The following MAP2K3 variants were observed in gnomAD, a reference collection of about 807,000 sequenced individuals.
MAP2K3 encodes the protein dual specificity mitogen-activated protein kinase kinase 3.
Under a neutral mutation model 46.4 loss-of-function variants are expected in MAP2K3, and 30 were observed. That is an observed-to-expected ratio of 0.65 (90% CI 0.48 to 0.88). MAP2K3 has a LOEUF of 0.88. MAP2K3 is among the 40% of genes least tolerant of loss of function. MAP2K3 has a pLI of 0.00. For missense variants in MAP2K3, 380 were observed against 464.5 expected (o/e 0.82, Z 1.67); for synonymous variants, 189 against 176.3 (o/e 1.07, Z -0.57).
intron 4 of MAP2K3, 106 bp downstream of exon 4, chr17:21,300,764 CT>C: frequency 6.2e-7 from 1 of 1,608,176 alleles, no homozygotes; most frequent in African/African-American, 1.3e-5. Context: ...CGAGGCTAGG[CT>C]TTTTGGGGCA....
At chr17:21,295,455 C>T (rs371989537) in intron 1 of MAP2K3, among the ~76,000 whole-genome samples, 35 of 152,410 alleles carry the variant, frequency 2.3e-4, no homozygotes, top group African/African-American at 7.7e-4. Flanking sequence ...TGCCAGTGGC[C>T]GCCGAGAGCC....
At chr17:21,309,040 C>G (rs1440491257) in intron 9 of MAP2K3, among the ~76,000 whole-genome samples, 7 of 152,308 alleles carry the variant, frequency 4.6e-5, no homozygotes, top group African/African-American at 1.2e-4. Flanking sequence ...TCTGCTGTAC[C>G]TGGGATTGGC....
rs1174737003 is a variant in MAP2K3, at chr17:21,284,879, C to A, written c.-42C>A. The A allele has an allele frequency of 6.2e-7, 1 of 1,607,902 alleles. No homozygotes were observed. Among genetic ancestry groups the A allele is most frequent in the Non-Finnish European group, 8.5e-7 (1 of 1,177,314 alleles). On this transcript the variant is annotated 5_prime_UTR_variant, in exon 1 of 12. Coordinates refer to ENST00000342679, the MANE Select transcript of MAP2K3 (RefSeq NM_145109.3). ...CTCGGCCCCGGTGGAGCCCGCAGTC[C>A]TCTAGATTAGTCTCCACCGCCGTCC... is the stretch of plus-strand genomic sequence containing the variant.
chr17:21,306,098 C>T (rs1976879829), intron 9 of MAP2K3, among the ~76,000 whole-genome samples: 1 of 152,236 alleles, frequency 6.6e-6, no homozygotes, highest in African/African-American at 2.4e-5. Context: ...ACCCAGTGCC[C>T]TGCAGTTCCG....
chr17:21,309,425 G>A (rs944425887), intron 9 of MAP2K3, among the ~76,000 whole-genome samples: 7 of 152,024 alleles, frequency 4.6e-5, no homozygotes, highest in South Asian at 4.2e-4. Context: ...AGTTACAAAC[G>A]TAGTGGAAAC....
intron 7 of MAP2K3, among the ~76,000 whole-genome samples, chr17:21,303,957 G>T (rs1209637375): frequency 1.3e-5 from 2 of 152,346 alleles, no homozygotes; most frequent in Admixed American, 6.5e-5. Context: ...TGTCCTATGC[G>T]CATTTGTATG....
intron 1 of MAP2K3, 137 bp downstream of exon 1, chr17:21,285,106 G>A (rs1002720022): frequency 2.3e-5 from 31 of 1,344,742 alleles, no homozygotes; most frequent in Non-Finnish European, 3.0e-5. Context: ...ACCCCTTCCT[G>A]TTCGGGGTCC....
At chr17:21,298,335 G>A (rs555754790) in intron 1 of MAP2K3, 78 bp from the exon 2 acceptor site, 1 of 1,596,184 alleles carries the variant, frequency 6.3e-7, no homozygotes, top group Non-Finnish European at 8.6e-7. Context: ...TGTGGGCCAG[G>A]GCCTGATGGC....
At chr17:21,314,076 G>A (rs1977291149) in intron 11 of MAP2K3, 71 bp from the exon 12 acceptor site, 7 of 1,206,992 alleles carry the variant, frequency 5.8e-6, no homozygotes, top group African/African-American at 1.5e-5. Context: ...GGCTGGAGCT[G>A]GTTGGGGAAG....
At chr17:21,298,205 G>T (rs1367913796) in intron 1 of MAP2K3, 10 of 774,288 alleles carry the variant, frequency 1.3e-5, no homozygotes, top group Non-Finnish European at 2.1e-5. Flanking sequence ...TCCAGGCCTG[G>T]GTCTGTCCTG....
At chr17:21,290,442 C>T (rs1016604370) in intron 1 of MAP2K3, among the ~76,000 whole-genome samples, 18 of 152,414 alleles carry the variant, frequency 1.2e-4, no homozygotes, top group African/African-American at 2.4e-4. Flanking sequence ...CAGGGTGGCG[C>T]GGGCAGACAC....
chr17:21,301,668 C>T (rs780614717), intron 5 of MAP2K3, among the ~76,000 whole-genome samples: 8 of 152,418 alleles, frequency 5.2e-5, no homozygotes, highest in Non-Finnish European at 1.0e-4. Flanking sequence ...CTGCAGCCTG[C>T]GGGTGCCCCC....
chr17:21,303,274 G>A (rs1233079146), intron 7 of MAP2K3, 40 bp downstream of exon 7: 4 of 1,613,114 alleles, frequency 2.5e-6, no homozygotes, highest in Non-Finnish European at 1.7e-6. Flanking sequence ...TGTAGCCAGT[G>A]GGAGGGATCC....
At chr17:21,301,522 C>A (rs1052688641) in intron 5 of MAP2K3, among the ~76,000 whole-genome samples, 1 of 152,310 alleles carries the variant, frequency 6.6e-6, no homozygotes, top group Non-Finnish European at 1.5e-5. Context: ...TGGTCACTTG[C>A]CCCTCAAAGA....
At chr17:21,313,625 C>G (rs924255022) in intron 11 of MAP2K3, 88 bp downstream of exon 11, 26 of 1,068,164 alleles carry the variant, frequency 2.4e-5, no homozygotes, top group Non-Finnish European at 3.5e-5. Context: ...ATCCTGCACA[C>G]AGATGGGTAG....
Position 21,314,575 on chromosome 17 carries a change from G to C in MAP2K3, c.*345G>C. On this transcript the variant is annotated 3_prime_UTR_variant, in exon 12 of 12. Coordinates refer to ENST00000342679, the MANE Select transcript of MAP2K3 (RefSeq NM_145109.3). ...AGGCTGCCAGTGCCTGGGTGGATGG[G>C]CCACCGCCTTGCCCAGCCTGGATGC... 4 of 306,200 alleles carry C rather than the reference G, an allele frequency of 1.3e-5. No homozygotes were observed. In the South Asian group the frequency reaches 1.9e-4, roughly 15 times the overall value. The allele number at this position is 306,200 out of a possible 1,614,324, so 19.0% of individuals were successfully genotyped here.
intron 6 of MAP2K3, 59 bp from the exon 7 acceptor site, chr17:21,303,124 T>A: frequency 6.2e-7 from 1 of 1,610,348 alleles, no homozygotes. Flanking sequence ...TCTGTCGTTT[T>A]TGACGTGACC....
At chr17:21,305,597 G>A (rs1976853581) in intron 9 of MAP2K3, among the ~76,000 whole-genome samples, 1 of 152,412 alleles carries the variant, frequency 6.6e-6, no homozygotes, top group East Asian at 1.9e-4. Context: ...CCTGGCTTGG[G>A]TAGGGTGAGG....
chr17:21,297,445 A>T (rs1271051675), intron 1 of MAP2K3, among the ~76,000 whole-genome samples: 1 of 152,310 alleles, frequency 6.6e-6, no homozygotes, highest in African/African-American at 2.4e-5. Flanking sequence ...TGTGGCCAGC[A>T]TGTCTGTACT....
Sources: allele counts gnomAD v4.1 joint callset (sites outside exome capture counted in the v4.1 genomes callset), GRCh38; gene constraint gnomAD v4.1.1; transcripts MANE v1.5; gene names NCBI Gene and HGNC (gene_info 2026-07-23, HGNC 2026-07-21).